The following INSR variants were observed in gnomAD, a reference collection of about 807,000 sequenced individuals.
INSR encodes the protein IR.
INSR carries 67 observed loss-of-function variants against 142.6 expected under a neutral mutation model. The observed-to-expected ratio is 0.47, with a 90% confidence interval of 0.39 to 0.58. INSR has a LOEUF of 0.58. Among genes scored for constraint, INSR ranks in the 20% least tolerant of loss-of-function variants. The pLI, the probability that INSR is intolerant of heterozygous loss-of-function variation, is 0.00. For synonymous variants in INSR, 756 were observed against 743.1 expected (o/e 1.02, Z -0.28); for missense variants, 1,248 against 1,833.2 (o/e 0.68, Z 5.83).
chr19:7,186,728 G>A (rs968635335), intron 2 of INSR, among the ~76,000 whole-genome samples: 2 of 151,518 alleles, frequency 1.3e-5, no homozygotes, highest in African/African-American at 4.9e-5. Flanking sequence ...TTTTTGAGAT[G>A]GAGTCTTGCT....
chr19:7,215,573 T>TATTC (rs1293030144), intron 2 of INSR, among the ~76,000 whole-genome samples: 61 of 151,296 alleles, frequency 4.0e-4, no homozygotes, highest in Non-Finnish European at 7.8e-4. Context: ...TTTATTTATT[T>TATTC]ATTTATTTTT....
At chr19:7,215,671 G>A (rs182780770) in intron 2 of INSR, among the ~76,000 whole-genome samples, 1 of 151,910 alleles carries the variant, frequency 6.6e-6, no homozygotes, top group Non-Finnish European at 1.5e-5. Context: ...GGGTTCAAGT[G>A]ATTCTCCTGC....
rs566945905 is a variant in INSR at position 7,249,561 on chromosome 19, G to T, written c.652+17784C>A. On this transcript the variant is annotated intron_variant, in intron 2 of 21. Transcript: ENST00000302850. ...GATCTCTAGACAAATATTTAGTCTG[G>T]CCCATTTTTAAAAAATGGGTACACC... Among the ~76,000 whole-genome samples the T allele has an allele frequency of 9.9e-5, 15 of 152,158 alleles. No homozygotes were observed. In the East Asian group the frequency reaches 2.9e-3, roughly 29 times the overall value.
rs542391885 is a variant in INSR, at chr19:7,139,810, T to C, written c.2682+1867A>G. Among the ~76,000 whole-genome samples the C allele has an allele frequency of 9.0e-4, 132 of 146,560 alleles. 3 individuals carry two copies. In the South Asian group the frequency reaches 0.027, roughly 31 times the overall value. ...GCTGTGAAGGGCCACATATAGTCTC[T>C]GTTGCGTATTCTTTTTTTTTTTTTT... is the stretch of plus-strand genomic sequence containing the variant. On this transcript the variant is annotated intron_variant, in intron 13 of 21. Transcript: ENST00000302850.
Position 7,119,490 on chromosome 19 carries a change from A to G in INSR, c.3753T>C (p.Asp1251=), listed in dbSNP as rs770750918. 6 of 1,614,174 alleles carry G rather than the reference A, an allele frequency of 3.7e-6. No homozygotes were observed. In the Admixed American group the frequency reaches 8.3e-5, roughly 22 times the overall value. ...TGTCGGGTTGATCCAGATACCCTCC[A>G]TCCATGACAAATTTCAACACCTGTT... ...SNEQVLKFVM[D]GGYLDQPDNC... The change falls in exon 21 of 22, where the codon GAT becomes GAC. Residue 1251 remains aspartate (D), a synonymous_variant. Transcript: ENST00000302850. This position sits in a 1 kb window ranked among gnomAD's most constrained non-coding sequence, Gnocchi z 5.2.
chr19:7,116,955 G>C lies in INSR; in HGVS notation c.*101C>G. 1 of 928,214 alleles carries C rather than the reference G, an allele frequency of 1.1e-6. No homozygotes were observed. Among genetic ancestry groups the C allele is most frequent in the South Asian group, 1.3e-5 (1 of 76,776 alleles). 57.5% of individuals were successfully genotyped at this position (928,214 alleles called of 1,614,324 possible). A position where few individuals can be genotyped will look rare whatever the true frequency, so the allele number is the denominator to read the frequency against. On this transcript the variant is annotated 3_prime_UTR_variant, in exon 22 of 22. Coordinates refer to ENST00000302850, the MANE Select transcript of INSR (RefSeq NM_000208.4). The stretch of plus-strand genomic sequence containing the variant: ...TAGGAACGATCTCTGAACTCCATTG[G>C]ACATGGTAGAGTCGTGAGAATCCTG...
At chr19:7,261,828 G>A (rs751201639) in intron 2 of INSR, among the ~76,000 whole-genome samples, 3 of 152,064 alleles carry the variant, frequency 2.0e-5, no homozygotes, top group African/African-American at 4.8e-5. Flanking sequence ...CTCCACACCC[G>A]GCCCCCTTAA....
At chr19:7,286,414 G>C (rs1184994317) in intron 1 of INSR, among the ~76,000 whole-genome samples, 2 of 151,786 alleles carry the variant, frequency 1.3e-5, no homozygotes, top group Non-Finnish European at 2.9e-5. Flanking sequence ...TTGAGACAGG[G>C]TCGGGCTCTA....
rs1568422634 is a variant in INSR at position 7,115,746 on chromosome 19, CAGCTTATCCG to C, written c.*1300_*1309del. 6.6e-6 allele frequency: 1 copy of C among 152,320 alleles called. No homozygotes were observed. The highest frequency in any genetic ancestry group is 1.9e-4 in the East Asian group (1 of 5,184). 9.4% of individuals were successfully genotyped at this position (152,320 alleles called of 1,614,324 possible). Reference sequence around the variant, plus strand: ...GGCAGGCTCAGAGCTAGGTAGCTACCAGCTTATCCGAACAGGAACCTTCCAGCAGACCTGG... The same window carrying C: ...GGCAGGCTCAGAGCTAGGTAGCTACCAACAGGAACCTTCCAGCAGACCTGG... On this transcript the variant is annotated 3_prime_UTR_variant, in exon 22 of 22. Coordinates refer to ENST00000302850, the MANE Select transcript of INSR (RefSeq NM_000208.4).
At chr19:7,258,612 T>C (rs1359981709) in intron 2 of INSR, among the ~76,000 whole-genome samples, 1 of 149,074 alleles carries the variant, frequency 6.7e-6, no homozygotes. Flanking sequence ...CAGTTCCCTC[T>C]TCTGTAAAAT....
chr19:7,123,586 C>T (rs1972547950), intron 17 of INSR, among the ~76,000 whole-genome samples: 1 of 152,152 alleles, frequency 6.6e-6, no homozygotes, highest in Admixed American at 6.5e-5. Context: ...CTCCTTTCCT[C>T]CCTTTCTTCA....
At chr19:7,162,227 T>C (rs1041736272) in intron 9 of INSR, among the ~76,000 whole-genome samples, 4 of 148,916 alleles carry the variant, frequency 2.7e-5, no homozygotes, top group Admixed American at 2.1e-4. Flanking sequence ...CTCAGGAGCC[T>C]GAGGCAGGAG....
chr19:7,245,287 G>GA (rs1277352660), intron 2 of INSR, among the ~76,000 whole-genome samples: 1 of 151,952 alleles, frequency 6.6e-6, no homozygotes, highest in Non-Finnish European at 1.5e-5. Flanking sequence ...AGTTCAACCA[G>GA]AAAAGGAAAC....
intron 2 of INSR, among the ~76,000 whole-genome samples, chr19:7,241,778 C>T (rs1047720266): frequency 1.3e-5 from 2 of 152,056 alleles, no homozygotes; most frequent in Admixed American, 1.3e-4. Flanking sequence ...CTGTAATGTA[C>T]AGGGCAGTCC....
At chr19:7,256,244 C>T (rs1976887996) in intron 2 of INSR, among the ~76,000 whole-genome samples, 1 of 152,070 alleles carries the variant, frequency 6.6e-6, no homozygotes, top group Non-Finnish European at 1.5e-5. Flanking sequence ...TCGAGACCAC[C>T]CTGGCCAACA....
intron 2 of INSR, among the ~76,000 whole-genome samples, chr19:7,241,881 AAGCCAGGC>A (rs1976358326): frequency 6.6e-6 from 1 of 151,692 alleles, no homozygotes; most frequent in Non-Finnish European, 1.5e-5. Context: ...AGAAGAAAAC[AAGCCAGGC>A]ACAGTGGCTC....
intron 2 of INSR, among the ~76,000 whole-genome samples, chr19:7,257,617 A>AT (rs897922862): frequency 4.7e-5 from 7 of 150,388 alleles, no homozygotes; most frequent in Admixed American, 3.3e-4. Context: ...TCTACCCCAC[A>AT]TTTTTTTTTC....
intron 12 of INSR, 105 bp from the exon 13 acceptor site, chr19:7,141,921 C>T (rs776985620): frequency 2.3e-6 from 2 of 879,998 alleles, no homozygotes; most frequent in Non-Finnish European, 3.8e-6. Context: ...CATTTTCCCA[C>T]AACCCATTTT....
Position 7,127,140 on chromosome 19 carries a change from C to T in INSR, c.2946-489G>A, listed in dbSNP as rs1972665487. Among the ~76,000 whole-genome samples the T allele has an allele frequency of 5.3e-5, 8 of 152,242 alleles. No homozygotes were observed. In the South Asian group the frequency reaches 1.7e-3, roughly 32 times the overall value. ...CTTGAACTCTTGGTCTCAAGTGATC[C>T]TCCTGCCTCATCCTCCCGAGCGGCT... On this transcript the variant is annotated intron_variant, in intron 15 of 21. Coordinates refer to ENST00000302850, the MANE Select transcript of INSR (RefSeq NM_000208.4).
Sources: allele counts gnomAD v4.1 joint callset (sites outside exome capture counted in the v4.1 genomes callset), GRCh38; gene constraint gnomAD v4.1.1; non-coding constraint Gnocchi (gnomAD v3.1); transcripts MANE v1.5; gene names NCBI Gene and HGNC (gene_info 2026-07-23, HGNC 2026-07-21).